The following TMEM94 variants were observed in gnomAD, a reference collection of about 807,000 sequenced individuals.
The protein encoded by TMEM94 is ER Mg2+ ATPase.
A neutral mutation model predicts 158.6 loss-of-function variants in TMEM94; 81 were observed. The ratio of observed to expected loss-of-function variants is 0.51; its 90% confidence interval spans 0.43 to 0.61. The LOEUF (loss-of-function observed/expected upper bound fraction) is 0.61. Among genes scored for constraint, TMEM94 ranks in the 20% least tolerant of loss-of-function variants. TMEM94 has a pLI of 0.00. For synonymous variants in TMEM94, 751 were observed against 730.7 expected (o/e 1.03, Z -0.45); for missense variants, 1,435 against 1,762.0 (o/e 0.81, Z 3.32).
chr17:75,485,740 G>T lies in TMEM94; in HGVS notation c.145-131G>T, dbSNP rs1425557127. On this transcript the variant is annotated intron_variant, in intron 3 of 31. Transcript: ENST00000314256. The surrounding 1 kb of genome is among the most constrained non-coding windows in gnomAD (Gnocchi z 5.5). ...GCCTGCTTGCTGCAGGAGCCCAACAGGCTGGAGCCCAGCCGAGGTCAAAGA... is the reference window on the plus strand; with the variant it reads ...GCCTGCTTGCTGCAGGAGCCCAACATGCTGGAGCCCAGCCGAGGTCAAAGA... The T allele has an allele frequency of 7.3e-7, 1 of 1,374,978 alleles. No individual in the cohort carries two copies. Among genetic ancestry groups the T allele is most frequent in the East Asian group, 2.5e-5 (1 of 40,192 alleles). 85.2% of individuals were successfully genotyped at this position (1,374,978 alleles called of 1,614,324 possible).
intron 2 of TMEM94, 61 bp downstream of exon 2, chr17:75,471,990 A>G: frequency 1.9e-6 from 3 of 1,572,288 alleles, no homozygotes; most frequent in Non-Finnish European, 2.6e-6. Context: ...ACTCTTTCCT[A>G]CTTGTTTTTG....
chr17:75,490,476 C>T, intron 10 of TMEM94, 126 bp downstream of exon 10: 1 of 1,129,742 alleles, frequency 8.9e-7, no homozygotes, highest in Non-Finnish European at 1.2e-6. Flanking sequence ...CTGGGCAGCT[C>T]TCCAGGCCTC....
Position 75,491,819 on chromosome 17 carries a change from G to A in TMEM94, c.1515G>A (p.Ala505=), listed in dbSNP as rs149518381. Residue 505 remains alanine, a synonymous_variant, in exon 14 of 32, where the codon GCG becomes GCA. Transcript: ENST00000314256. This position sits in a 1 kb window ranked among gnomAD's most constrained non-coding sequence, Gnocchi z 5.1. ...KPPEPYSHHK[A]HGRSKHPSGS... ...CCGAGCCCTATTCACACCACAAAGCGCATGGCCGCAGCAAACACCCATCTG... is the reference window on the plus strand; with the variant it reads ...CCGAGCCCTATTCACACCACAAAGCACATGGCCGCAGCAAACACCCATCTG... 26 of 1,614,062 alleles carry A rather than the reference G, an allele frequency of 1.6e-5. No individual in the cohort carries two copies. In the South Asian group the frequency reaches 1.9e-4, roughly 12 times the overall value.
At position 75,495,443 on chromosome 17, in the gene TMEM94, A is replaced by C. The variant is rs1417666021; in HGVS notation, c.2844+44A>C. 1 of 1,591,860 alleles carries C rather than the reference A, an allele frequency of 6.3e-7. No homozygotes were observed. The highest frequency in any genetic ancestry group is 1.1e-5 in the South Asian group (1 of 90,504). Reference sequence around the variant, plus strand: ...TCTCACGTGTTCCTGTAGTGGTCCCATAGCTGGTCCAGGGGAGAGGTAGAG... The same window carrying C: ...TCTCACGTGTTCCTGTAGTGGTCCCCTAGCTGGTCCAGGGGAGAGGTAGAG... On this transcript the variant is annotated intron_variant, in intron 21 of 31. Coordinates refer to ENST00000314256, the MANE Select transcript of TMEM94 (RefSeq NM_014738.6). This position sits in a 1 kb window ranked among gnomAD's most constrained non-coding sequence, Gnocchi z 5.6.
chr17:75,490,341 C>T lies in TMEM94; in HGVS notation c.1062C>T (p.Pro354=). 2.5e-6 allele frequency: 4 copies of T among 1,613,370 alleles called. No individual in the cohort carries two copies. The highest frequency in any genetic ancestry group is 3.4e-6 in the Non-Finnish European group (4 of 1,179,860). ...TGGCCCAGATGAGCAAGGCCTCACC[C>T]AGCTCCCTGGTAGGTTTTTCCAAGG... is the stretch of plus-strand genomic sequence containing the variant. The part of the protein sequence containing the change: ...RVLAQMSKAS[P]SSLLAKFSED... Residue 354 remains proline (P), a synonymous_variant, in exon 10 of 32, where the codon CCC becomes CCT. Coordinates refer to ENST00000314256, the MANE Select transcript of TMEM94 (RefSeq NM_014738.6).
chr17:75,462,092 C>G, intron 1 of TMEM94, among the ~76,000 whole-genome samples: 2 of 136,266 alleles, frequency 1.5e-5, no homozygotes. Flanking sequence ...CTCACTGCAA[C>G]CTCTGCCTCC....
rs552757679 is a variant in TMEM94, at chr17:75,471,774, G to A, written c.-106-26G>A. ...GTAGCTGCCTGTTCCAGCAACCTGA[G>A]TGATTTCTTTCTTCTTTTTCCCCAG... On this transcript the variant is annotated intron_variant, in intron 1 of 31. Transcript: ENST00000314256. The A allele has an allele frequency of 2.5e-5, 22 of 890,532 alleles. 1 individual carries two copies. The East Asian group carries it at 5.5e-4, about 22-fold the overall frequency. The allele number at this position is 890,532 out of a possible 1,614,324, so 55.2% of individuals were successfully genotyped here.
Position 75,495,367 on chromosome 17 carries a change from G to A in TMEM94, c.2812G>A (p.Asp938Asn). The A allele has an allele frequency of 1.2e-6, 2 of 1,613,876 alleles. No individual in the cohort carries two copies. The highest frequency in any genetic ancestry group is 1.7e-5 in the Admixed American group (1 of 60,002). Residue 938 changes from aspartate (D) to asparagine (N), a missense_variant, in exon 21 of 32, where the codon GAC becomes AAC. Physicochemically the swap from Asp to Asn is conservative, Grantham distance 23 (BLOSUM62 1). Coordinates refer to ENST00000314256, the MANE Select transcript of TMEM94 (RefSeq NM_014738.6). The surrounding 1 kb of genome is among the most constrained non-coding windows in gnomAD (Gnocchi z 5.6). ...DLISFQPTDS[D>N]IPSFLEDSNR... ...CATCAGCTTCCAGCCTACGGACAGC[G>A]ACATCCCCAGCTTCCTGGAGGACTC...
intron 2 of TMEM94, among the ~76,000 whole-genome samples, chr17:75,479,745 C>T (rs564499928): frequency 1.9e-4 from 29 of 152,166 alleles, no homozygotes; most frequent in Admixed American, 3.3e-4. Flanking sequence ...TGGCGAAACC[C>T]TGTCTCTACT....
chr17:75,482,524 A>ATATATATGTATG (rs1032988776), intron 2 of TMEM94, among the ~76,000 whole-genome samples: 1 of 145,092 alleles, frequency 6.9e-6, no homozygotes, highest in Non-Finnish European at 1.5e-5. Flanking sequence ...AAATATATAT[A>ATATATATGTATG]TATGTATGTA....
chr17:75,464,809 T>C (rs1359795902), intron 1 of TMEM94, among the ~76,000 whole-genome samples: 2 of 151,538 alleles, frequency 1.3e-5, no homozygotes, highest in Non-Finnish European at 2.9e-5. Context: ...CCTGAGTTCA[T>C]GCGATTCTCC....
chr17:75,481,384 A>G (rs376948380), intron 2 of TMEM94, among the ~76,000 whole-genome samples: 18 of 152,330 alleles, frequency 1.2e-4, no homozygotes, highest in African/African-American at 4.1e-4. Flanking sequence ...GCCACTGTGG[A>G]GAGCGGGATT....
Position 75,489,436 on chromosome 17 carries a change from G to C in TMEM94, c.867+68G>C. The C allele has an allele frequency of 6.5e-7, 1 of 1,530,090 alleles. No homozygotes were observed. The highest frequency in any genetic ancestry group is 1.7e-5 in the Admixed American group (1 of 59,716). 94.8% of individuals were successfully genotyped at this position (1,530,090 alleles called of 1,614,324 possible). ...GAGGGCTGGACACGGGGGGGTCTCAGGGCCACTCACATGAGCGGGAGTGAA... is the reference window on the plus strand; with the variant it reads ...GAGGGCTGGACACGGGGGGGTCTCACGGCCACTCACATGAGCGGGAGTGAA... On this transcript the variant is annotated intron_variant, in intron 8 of 31. Coordinates refer to ENST00000314256, the MANE Select transcript of TMEM94 (RefSeq NM_014738.6). This position sits in a 1 kb window ranked among gnomAD's most constrained non-coding sequence, Gnocchi z 5.0.
intron 10 of TMEM94, 86 bp from the exon 11 acceptor site, chr17:75,490,616 G>T (rs1378231070): frequency 4.7e-6 from 6 of 1,270,062 alleles, no homozygotes; most frequent in Non-Finnish European, 6.8e-6. Flanking sequence ...AGCCCCGCTG[G>T]TGTGGGCCCC....
At chr17:75,466,637 T>C (rs1404962856) in intron 1 of TMEM94, among the ~76,000 whole-genome samples, 1 of 151,926 alleles carries the variant, frequency 6.6e-6, no homozygotes, top group East Asian at 1.9e-4. Context: ...GCCAACATGG[T>C]GAAACCCCGT....
intron 6 of TMEM94, 149 bp downstream of exon 6, chr17:75,488,283 G>A: frequency 1.4e-6 from 1 of 722,042 alleles, no homozygotes; most frequent in Non-Finnish European, 2.3e-6. Context: ...CCACCCTGCT[G>A]TTCTTTTTTT....
In TMEM94 at chr17:75,485,439, C is replaced by T; in HGVS notation, c.36C>T (p.Pro12=). ...DLKEKHLGEP[P]SALGLSTRKA... ...CTGCTTGCCTGCAGGGCGAGCCTCC[C>T]TCAGCCCTGGGCCTGTCCACGCGGA... The change falls in exon 3 of 32, where the codon CCC becomes CCT. Residue 12 remains proline (P), a synonymous_variant. Transcript: ENST00000314256. This position sits in a 1 kb window ranked among gnomAD's most constrained non-coding sequence, Gnocchi z 5.5. The T allele has an allele frequency of 1.2e-6, 2 of 1,612,614 alleles. No individual in the cohort carries two copies. The highest frequency in any genetic ancestry group is 1.7e-6 in the Non-Finnish European group (2 of 1,178,782).
intron 1 of TMEM94, among the ~76,000 whole-genome samples, chr17:75,462,373 T>C (rs763233405): frequency 6.6e-6 from 1 of 151,998 alleles, no homozygotes; most frequent in African/African-American, 2.4e-5. Flanking sequence ...TTGAGCATCT[T>C]TGCATATGGA....
intron 1 of TMEM94, among the ~76,000 whole-genome samples, chr17:75,462,902 G>A (rs1289730018): frequency 3.5e-5 from 5 of 141,938 alleles, no homozygotes; most frequent in Non-Finnish European, 7.5e-5. Context: ...TGGAAAGATT[G>A]TTTGAGCCCA....
Sources: gnomAD v4.1 joint callset for allele counts (sites outside exome capture counted in the v4.1 genomes callset) on GRCh38, gnomAD v4.1.1 for gene constraint, Gnocchi (gnomAD v3.1) non-coding constraint, MANE v1.5 for transcripts, NCBI Gene and HGNC (gene_info 2026-07-23, HGNC 2026-07-21) for gene names.